The following ENPP1 variants were observed in gnomAD, a reference collection of about 807,000 sequenced individuals.
ENPP1 encodes ectonucleotide pyrophosphatase/phosphodiesterase 1, also known as ectonucleotide pyrophosphatase/phosphodiesterase family member 1.
ENPP1 carries 73 observed loss-of-function variants against 122.8 expected under a neutral mutation model. The observed-to-expected ratio is 0.59, with a 90% CI of 0.49 to 0.72. The LOEUF (loss-of-function observed/expected upper bound fraction) is 0.72. ENPP1 is among the 30% of genes least tolerant of loss of function. The probability of loss-of-function intolerance (pLI) is 0.00; values close to 1 mark genes in which losing one functional copy is unlikely to be tolerated. For synonymous variants in ENPP1, 367 were observed against 391.6 expected, an observed-to-expected ratio of 0.94 and a Z score of 0.74; for missense variants, 978 against 1,128.1, an observed-to-expected ratio of 0.87 and a Z score of 1.91.
chr6:131,885,971 T>G (rs1782372560), intron 23 of ENPP1, among the ~76,000 whole-genome samples: 1 of 152,214 alleles, frequency 6.6e-6, no homozygotes, highest in African/African-American at 2.4e-5. Flanking sequence ...TTCCACTGCC[T>G]TAAATTTTGA....
chr6:131,811,745 T>G (rs952063538), intron 1 of ENPP1, among the ~76,000 whole-genome samples: 1 of 152,208 alleles, frequency 6.6e-6, no homozygotes, highest in African/African-American at 2.4e-5. Context: ...TGAAGTCCCA[T>G]GCTCATGTCC....
rs75998327 is a variant in ENPP1 at position 131,875,574 on chromosome 6, A to T, written c.1636-202A>T. Reference sequence around the variant, plus strand: ...TCAAACCAAGAATTGTAGTAAAACTAAGAGACCTATCCTAGATGTCCTTAG... The same window carrying T: ...TCAAACCAAGAATTGTAGTAAAACTTAGAGACCTATCCTAGATGTCCTTAG... On this transcript the variant is annotated intron_variant, in intron 16 of 24. Transcript: ENST00000647893. Among the ~76,000 whole-genome samples, 128 of 152,346 alleles carry T rather than the reference A, an allele frequency of 8.4e-4. 1 individual carries two copies. Among genetic ancestry groups the T allele is most frequent in the African/African-American group, 3.0e-3 (125 of 41,576 alleles).
intron 19 of ENPP1, 138 bp downstream of exon 19, chr6:131,878,731 A>G: frequency 1.4e-6 from 1 of 722,678 alleles, no homozygotes; most frequent in Middle Eastern, 2.3e-4. Context: ...CCACCTGATG[A>G]AACATAGAGG....
chr6:131,813,898 A>C (rs1430682170), intron 1 of ENPP1, among the ~76,000 whole-genome samples: 3 of 152,292 alleles, frequency 2.0e-5, no homozygotes, highest in East Asian at 3.9e-4. Flanking sequence ...GCTGGTTCGT[A>C]GTCTCCTTCA....
At chr6:131,854,394 C>T (rs916050053) in intron 5 of ENPP1, among the ~76,000 whole-genome samples, 1 of 151,914 alleles carries the variant, frequency 6.6e-6, no homozygotes, top group African/African-American at 2.4e-5. Context: ...GCCTGAGGAA[C>T]AGAGTGAGAC....
Position 131,891,236 on chromosome 6 carries a change from C to T in ENPP1, c.*725C>T, listed in dbSNP as rs1782465779. The T allele has an allele frequency of 6.6e-6, 1 of 152,146 alleles. No individual in the cohort carries two copies. Among genetic ancestry groups the T allele is most frequent in the African/African-American group, 2.4e-5 (1 of 41,406 alleles). The allele number at this position is 152,146 out of a possible 1,614,324, so 9.4% of individuals were successfully genotyped here. ...AAAAAAGAAAAATATTCCTATCCTG[C>T]TCACTGGTAATTAACATAGGTTTAA... On this transcript the variant is annotated 3_prime_UTR_variant, in exon 25 of 25. Transcript: ENST00000647893.
chr6:131,817,928 A>G (rs1312396041), intron 1 of ENPP1, among the ~76,000 whole-genome samples: 1 of 152,116 alleles, frequency 6.6e-6, no homozygotes, highest in Non-Finnish European at 1.5e-5. Flanking sequence ...GTATTTCAGG[A>G]CTTTGCACAG....
intron 11 of ENPP1, among the ~76,000 whole-genome samples, chr6:131,866,476 G>T (rs1782093074): frequency 2.0e-5 from 3 of 152,166 alleles, no homozygotes; most frequent in Non-Finnish European, 2.9e-5. Flanking sequence ...TTTCTCACTT[G>T]AATTTACAAC....
At position 131,880,028 on chromosome 6, in the gene ENPP1, C is replaced by T. The variant is rs1159566668; in HGVS notation, c.2094C>T (p.Asp698=). Residue 698 remains aspartate, a synonymous_variant, in exon 20 of 25, where the codon GAC becomes GAT. Transcript: ENST00000647893. ...CCCTTTGGACATCCTATACCGTGGA[C>T]AGAAATGCAAGTATTTGTCACCTCT... ...LMPLWTSYTV[D]RNDSFSTEDF... is the part of the protein sequence containing the mutation. The T allele has an allele frequency of 1.2e-6, 2 of 1,613,876 alleles. No homozygotes were observed. The highest frequency in any genetic ancestry group is 1.3e-5 in the African/African-American group (1 of 74,918).
intron 11 of ENPP1, among the ~76,000 whole-genome samples, chr6:131,865,748 C>T (rs908553870): frequency 6.6e-6 from 1 of 152,176 alleles, no homozygotes; most frequent in African/African-American, 2.4e-5. Context: ...AATCCCAGCA[C>T]TTTGGGAGGC....
At position 131,885,096 on chromosome 6, in the gene ENPP1, G is replaced by A. The variant is rs766631774; in HGVS notation, c.2444+33G>A. The A allele has an allele frequency of 5.6e-6, 9 of 1,606,934 alleles. No homozygotes were observed. The South Asian group carries it at 8.8e-5, about 16-fold the overall frequency. ...CATATTTCATTACTCTTAAAAATAG[G>A]AATTACCATCCAGTAGAAATGGGAT... On this transcript the variant is annotated intron_variant, in intron 23 of 24. Transcript: ENST00000647893.
At chr6:131,819,850 A>G (rs1781461894) in intron 1 of ENPP1, 1 of 439,600 alleles carries the variant, frequency 2.3e-6, no homozygotes. Context: ...GGGCCACGCA[A>G]ATGATTGATT....
At position 131,840,607 on chromosome 6, in the gene ENPP1, A is replaced by C. The variant is rs575711703; in HGVS notation, c.241-7169A>C. ...CTCCTGCCAACTTTGTGAGGTGGGT[A>C]TTATCACCACGTCATAGATTTAAAA... is the stretch of plus-strand genomic sequence containing the variant. On this transcript the variant is annotated intron_variant, in intron 1 of 24. Coordinates refer to ENST00000647893, the MANE Select transcript of ENPP1 (RefSeq NM_006208.3). Among the ~76,000 whole-genome samples, 3 of 152,318 alleles carry C rather than the reference A, an allele frequency of 2.0e-5. No individual in the cohort carries two copies. In the South Asian group the frequency reaches 6.2e-4, roughly 32 times the overall value.
intron 1 of ENPP1, chr6:131,827,036 C>A: frequency 1.8e-6 from 1 of 560,206 alleles, no homozygotes; most frequent in South Asian, 1.7e-5. Flanking sequence ...GGTTGACCAG[C>A]TGTGAGACGG....
chr6:131,813,999 A>G (rs1231950658), intron 1 of ENPP1, among the ~76,000 whole-genome samples: 1 of 152,232 alleles, frequency 6.6e-6, no homozygotes, highest in Non-Finnish European at 1.5e-5. Context: ...CAAATGGAAG[A>G]GCCTTAGGCC....
intron 19 of ENPP1, among the ~76,000 whole-genome samples, chr6:131,879,368 C>T (rs1438881960): frequency 2.0e-5 from 3 of 152,080 alleles, no homozygotes; most frequent in Non-Finnish European, 2.9e-5. Context: ...GGCATATAAC[C>T]TTAATTCATA....
intron 1 of ENPP1, among the ~76,000 whole-genome samples, chr6:131,844,726 A>G (rs745917549): frequency 1.3e-5 from 2 of 152,208 alleles, no homozygotes; most frequent in Non-Finnish European, 2.9e-5. Flanking sequence ...AAGCCAGAGG[A>G]GTCTAGTGAA....
At chr6:131,829,673 A>G (rs1332466009) in intron 1 of ENPP1, among the ~76,000 whole-genome samples, 1 of 152,248 alleles carries the variant, frequency 6.6e-6, no homozygotes, top group Non-Finnish European at 1.5e-5. Context: ...CTAACGGTCA[A>G]ACAGGGAATG....
At position 131,847,858 on chromosome 6, in the gene ENPP1, TGTGTGTGTGTG is replaced by T. The variant is rs1781831299; in HGVS notation, c.313+11_313+21del. On this transcript the variant is annotated intron_variant, in intron 2 of 24. Coordinates refer to ENST00000647893, the MANE Select transcript of ENPP1 (RefSeq NM_006208.3). ...AGCTGTGCCAAAGAAGGTAATTAGG[TGTGTGTGTGTG>T]TGTGTGTGTGTGTGTGTGTGTGTGT... The T allele has an allele frequency of 1.8e-5, 8 of 444,236 alleles. No individual in the cohort carries two copies. Among genetic ancestry groups the T allele is most frequent in the Middle Eastern group, 6.4e-4 (1 of 1,558 alleles). 27.5% of individuals were successfully genotyped at this position (444,236 alleles called of 1,614,324 possible).
Sources: gnomAD v4.1 joint callset for allele counts (sites outside exome capture counted in the v4.1 genomes callset) on GRCh38, gnomAD v4.1.1 for gene constraint, MANE v1.5 for transcripts, NCBI Gene and HGNC (gene_info 2026-07-23, HGNC 2026-07-21) for gene names.